Variants in CLEC2L observed in about 807,000 individuals in gnomAD.
CLEC2L encodes the protein C-type lectin domain family 2 member L.
Under a neutral mutation model 23.6 loss-of-function variants are expected in CLEC2L, and 14 were observed. The observed-to-expected ratio is 0.59, with a 90% CI of 0.39 to 0.93. The LOEUF is 0.93. Among genes scored for constraint, CLEC2L ranks in the 40% least tolerant of loss-of-function variants. CLEC2L has a pLI of 0.00. For missense variants in CLEC2L, 264 were observed against 282.4 expected, an observed-to-expected ratio of 0.93 and a Z score of 0.47; for synonymous variants, 114 against 121.3, an observed-to-expected ratio of 0.94 and a Z score of 0.40.
chr7:139,524,900 G>GC (rs912357652), intron 1 of CLEC2L, among the ~76,000 whole-genome samples: 2 of 152,156 alleles, frequency 1.3e-5, no homozygotes, highest in Middle Eastern at 3.2e-3. Context: ...GAAGCCTGGA[G>GC]CCTGGATCAC....
At chr7:139,542,966 G>A (rs1189451590) in intron 4 of CLEC2L, among the ~76,000 whole-genome samples, 1 of 152,134 alleles carries the variant, frequency 6.6e-6, no homozygotes. Flanking sequence ...GGTGCCAGCC[G>A]GAGGGCATGG....
chr7:139,531,138 C>T (rs1034253965), intron 1 of CLEC2L, among the ~76,000 whole-genome samples: 24 of 152,166 alleles, frequency 1.6e-4, no homozygotes, highest in Non-Finnish European at 2.5e-4. Flanking sequence ...CTGCCTTAAT[C>T]ATGAACAGAT....
At chr7:139,526,965 C>T (rs1041814881) in intron 1 of CLEC2L, among the ~76,000 whole-genome samples, 3 of 152,218 alleles carry the variant, frequency 2.0e-5, no homozygotes, top group African/African-American at 7.2e-5. Context: ...GGTTATGCTG[C>T]CCCTGCTTAG....
rs150000769 is a variant in CLEC2L at position 139,538,375 on chromosome 7, A to G, written c.266-1946A>G. On this transcript the variant is annotated intron_variant, in intron 2 of 4. Coordinates refer to ENST00000422142, the MANE Select transcript of CLEC2L (RefSeq NM_001080511.4). Reference sequence around the variant, plus strand: ...TTGAACCTGGGAAGCAGAGGTTGCAATGAGCTGAGATTGTGCCACGCACTC... The same window carrying G: ...TTGAACCTGGGAAGCAGAGGTTGCAGTGAGCTGAGATTGTGCCACGCACTC... Among the ~76,000 whole-genome samples the G allele has an allele frequency of 2.3e-3, 348 of 149,034 alleles. 1 individual carries two copies. The highest frequency in any genetic ancestry group is 0.014 in the Middle Eastern group (4 of 280).
At chr7:139,532,107 C>A (rs1443997132) in intron 1 of CLEC2L, among the ~76,000 whole-genome samples, 1 of 152,104 alleles carries the variant, frequency 6.6e-6, no homozygotes, top group Non-Finnish European at 1.5e-5. Flanking sequence ...TGAAAAGGAT[C>A]ATGGGTGAGA....
chr7:139,530,838 A>T (rs913075014), intron 1 of CLEC2L, among the ~76,000 whole-genome samples: 1 of 123,764 alleles, frequency 8.1e-6, no homozygotes, highest in Non-Finnish European at 1.7e-5. Context: ...AAAAAAAAAT[A>T]GGGCCTCTAG....
At chr7:139,538,934 C>T (rs1797698379) in intron 2 of CLEC2L, among the ~76,000 whole-genome samples, 3 of 152,312 alleles carry the variant, frequency 2.0e-5, no homozygotes, top group Admixed American at 1.3e-4. Context: ...ACAACAGTCT[C>T]TTAGGAGATC....
At position 139,523,912 on chromosome 7, in the gene CLEC2L, C is replaced by A; in HGVS notation, c.-16C>A. 8 of 977,838 alleles carry A rather than the reference C, an allele frequency of 8.2e-6. No homozygotes were observed. The highest frequency in any genetic ancestry group is 1.2e-4 in the East Asian group (1 of 8,672). 60.6% of individuals were successfully genotyped at this position (977,838 alleles called of 1,614,324 possible). The stretch of plus-strand genomic sequence containing the variant: ...CCGGTGCAGGAGCGCGGGCGCGGCG[C>A]GGCGGAGCGCCCCGCATGGAGCCGG... On this transcript the variant is annotated 5_prime_UTR_variant, in exon 1 of 5. Coordinates refer to ENST00000422142, the MANE Select transcript of CLEC2L (RefSeq NM_001080511.4). This position sits in a 1 kb window ranked among gnomAD's most constrained non-coding sequence, Gnocchi z 4.1.
At chr7:139,529,411 T>C (rs1336836370) in intron 1 of CLEC2L, among the ~76,000 whole-genome samples, 2 of 152,238 alleles carry the variant, frequency 1.3e-5, no homozygotes, top group African/African-American at 2.4e-5. Flanking sequence ...ATGTCAGATG[T>C]TATGCCCTTA....
intron 1 of CLEC2L, among the ~76,000 whole-genome samples, chr7:139,531,245 C>T (rs1797578900): frequency 6.6e-6 from 1 of 152,152 alleles, no homozygotes; most frequent in Non-Finnish European, 1.5e-5. Context: ...CTGCTCATTT[C>T]CCCCACCCCT....
chr7:139,536,412 A>G (rs1797658142), intron 2 of CLEC2L, 64 bp downstream of exon 2: 1 of 1,377,816 alleles, frequency 7.3e-7, no homozygotes, highest in Admixed American at 2.1e-5. Context: ...AAGCACGTCT[A>G]ATTAGTTAAA....
At position 139,536,364 on chromosome 7, in the gene CLEC2L, A is replaced by G. The variant is rs1276889242; in HGVS notation, c.265+16A>G. 6.5e-7 allele frequency: 1 copy of G among 1,549,614 alleles called. No homozygotes were observed. Among genetic ancestry groups the G allele is most frequent in the Admixed American group, 2.0e-5 (1 of 50,860 alleles). On this transcript the variant is annotated intron_variant, in intron 2 of 4. Coordinates refer to ENST00000422142, the MANE Select transcript of CLEC2L (RefSeq NM_001080511.4). Reference sequence around the variant, plus strand: ...AGCATCTTGGGTGAGCATGCGTGTCAGAGCATTTATGCATTCAGTTTGCAC... The same window carrying G: ...AGCATCTTGGGTGAGCATGCGTGTCGGAGCATTTATGCATTCAGTTTGCAC...
At position 139,540,287 on chromosome 7, in the gene CLEC2L, G is replaced by C. The variant is rs767203567; in HGVS notation, c.266-34G>C. On this transcript the variant is annotated intron_variant, in intron 2 of 4. Coordinates refer to ENST00000422142, the MANE Select transcript of CLEC2L (RefSeq NM_001080511.4). This position sits in a 1 kb window ranked among gnomAD's most constrained non-coding sequence, Gnocchi z 5.8. Reference sequence around the variant, plus strand: ...AGCAGAGTGGGACTCGGGCTGGGGGGGCGGGCAGGGCCGAGCTGGTCTCTT... The same window carrying C: ...AGCAGAGTGGGACTCGGGCTGGGGGCGCGGGCAGGGCCGAGCTGGTCTCTT... 5 of 1,576,052 alleles carry C rather than the reference G, an allele frequency of 3.2e-6. No individual in the cohort carries two copies. Among genetic ancestry groups the C allele is most frequent in the East Asian group, 2.3e-5 (1 of 43,280 alleles).
At chr7:139,526,122 T>C (rs1032694188) in intron 1 of CLEC2L, among the ~76,000 whole-genome samples, 8 of 152,204 alleles carry the variant, frequency 5.3e-5, no homozygotes, top group Admixed American at 2.0e-4. Flanking sequence ...ACAGGAGTTT[T>C]AGAATCTGGA....
chr7:139,540,178 A>T lies in CLEC2L; in HGVS notation c.266-143A>T. 1.4e-6 allele frequency: 1 copy of T among 740,560 alleles called. No individual in the cohort carries two copies. Among genetic ancestry groups the T allele is most frequent in the Non-Finnish European group, 2.1e-6 (1 of 467,608 alleles). The allele number at this position is 740,560 out of a possible 1,614,324, so 45.9% of individuals were successfully genotyped here. On this transcript the variant is annotated intron_variant, in intron 2 of 4. Transcript: ENST00000422142. The surrounding 1 kb of genome is among the most constrained non-coding windows in gnomAD (Gnocchi z 5.8). ...TCATTCATTTAGTGGCCACCCTTTT[A>T]CCTCCAGGCACCAGGAGAGGACAGC...
intron 1 of CLEC2L, chr7:139,534,148 T>C: frequency 1.5e-6 from 1 of 660,672 alleles, no homozygotes; most frequent in South Asian, 1.7e-5. Context: ...AATGTAAAAT[T>C]ATGCAACCAA....
Position 139,540,476 on chromosome 7 carries a change from C to A in CLEC2L, c.421C>A (p.Gln141Lys). 1.9e-6 allele frequency: 3 copies of A among 1,592,206 alleles called. No individual in the cohort carries two copies. ...HEAVLAVIQS[Q>K]KELEFMFKFT... The stretch of plus-strand genomic sequence containing the variant: ...GGCGGTGCTGGCTGTGATTCAGAGC[C>A]AGAAGGAGCTGGTGAGTGTGCCAAG... The change falls in exon 3 of 5, where the codon CAG becomes AAG. Residue 141 changes from glutamine to lysine, a missense_variant. By Grantham distance (53) the Gln-to-Lys change is moderately conservative. Transcript: ENST00000422142. The surrounding 1 kb of genome is among the most constrained non-coding windows in gnomAD (Gnocchi z 5.8).
At position 139,539,780 on chromosome 7, in the gene CLEC2L, C is replaced by T. The variant is rs949731046; in HGVS notation, c.266-541C>T. The T allele has an allele frequency of 1.3e-5, 2 of 156,492 alleles. No individual in the cohort carries two copies. Among genetic ancestry groups the T allele is most frequent in the African/African-American group, 4.8e-5 (2 of 41,400 alleles). 9.7% of individuals were successfully genotyped at this position (156,492 alleles called of 1,614,324 possible). ...GGGTGTCTCTGGGTCACTCCAGAGG[C>T]CTTAGACCAGCAGGTCTAGGTCACA... is the stretch of plus-strand genomic sequence containing the variant. On this transcript the variant is annotated intron_variant, in intron 2 of 4. Coordinates refer to ENST00000422142, the MANE Select transcript of CLEC2L (RefSeq NM_001080511.4). This position sits in a 1 kb window ranked among gnomAD's most constrained non-coding sequence, Gnocchi z 4.1.
intron 1 of CLEC2L, among the ~76,000 whole-genome samples, chr7:139,529,950 C>A (rs927779089): frequency 1.3e-5 from 2 of 151,890 alleles, no homozygotes; most frequent in Non-Finnish European, 2.9e-5. Context: ...CGCCTATAGT[C>A]CCAGCTACTT....
Sources: gnomAD v4.1 joint callset for allele counts (sites outside exome capture counted in the v4.1 genomes callset) on GRCh38, gnomAD v4.1.1 for gene constraint, Gnocchi (gnomAD v3.1) non-coding constraint, MANE v1.5 for transcripts, NCBI Gene and HGNC (gene_info 2026-07-23, HGNC 2026-07-21) for gene names.